BRAF: variants seen among roughly 807,000 people sequenced by gnomAD.
The protein encoded by BRAF is B-Raf proto-oncogene, serine/threonine kinase.
A neutral mutation model predicts 104.6 loss-of-function variants in BRAF; 16 were observed. The ratio of observed to expected loss-of-function variants is 0.15; its 90% CI spans 0.10 to 0.23. The LOEUF is 0.23. BRAF is among the 10% of genes least tolerant of loss of function. The probability of loss-of-function intolerance (pLI) is 1.00; values close to 1 mark genes in which losing one functional copy is unlikely to be tolerated. For missense variants in BRAF, 541 were observed against 937.3 expected, an observed-to-expected ratio of 0.58 and a Z score of 5.52; for synonymous variants, 310 against 341.6, an observed-to-expected ratio of 0.91 and a Z score of 1.02.
intron 1 of BRAF, among the ~76,000 whole-genome samples, chr7:140,859,455 ACTT>A (rs1459071771): frequency 6.6e-6 from 1 of 152,110 alleles, no homozygotes; most frequent in African/African-American, 2.4e-5. Flanking sequence ...GTGCCTTAAT[ACTT>A]CTTTATTTTT....
Position 140,924,444 on chromosome 7 carries a change from G to A in BRAF, c.138+122C>T. ...GGGCGATGCCCACCTCCCAGCCCGC[G>A]GAGCTGGCCCGAGAAGGTGGCTGAG... is the stretch of plus-strand genomic sequence containing the variant. On this transcript the variant is annotated intron_variant, in intron 1 of 19. Transcript: ENST00000644969. This position sits in a 1 kb window ranked among gnomAD's most constrained non-coding sequence, Gnocchi z 4.2. 1 of 1,417,804 alleles carries A rather than the reference G, an allele frequency of 7.1e-7. No homozygotes were observed. The highest frequency in any genetic ancestry group is 1.2e-5 in the South Asian group (1 of 80,500). 87.8% of individuals were successfully genotyped at this position (1,417,804 alleles called of 1,614,324 possible).
chr7:140,785,267 CTT>C (rs1801243282), intron 10 of BRAF, among the ~76,000 whole-genome samples: 1 of 152,070 alleles, frequency 6.6e-6, no homozygotes, highest in South Asian at 2.1e-4. Context: ...TCCATTGACA[CTT>C]TAATTTTCTT....
At chr7:140,906,770 T>C (rs1431125330) in intron 1 of BRAF, among the ~76,000 whole-genome samples, 1 of 152,238 alleles carries the variant, frequency 6.6e-6, no homozygotes, top group African/African-American at 2.4e-5. Context: ...TAATTTTCTA[T>C]TGAAAAGTCA....
Position 140,726,204 on chromosome 7 carries a change from C to T in BRAF, c.*290G>A. 8.1e-7 allele frequency: 1 copy of T among 1,238,356 alleles called. No individual in the cohort carries two copies. The highest frequency in any genetic ancestry group is 3.4e-5 in the East Asian group (1 of 29,546). 76.7% of individuals were successfully genotyped at this position (1,238,356 alleles called of 1,614,324 possible). A position where few individuals can be genotyped will look rare whatever the true frequency, so the allele number is the denominator to read the frequency against. On this transcript the variant is annotated 3_prime_UTR_variant, in exon 20 of 20. Coordinates refer to ENST00000644969, the MANE Select transcript of BRAF (RefSeq NM_001374258.1). ...GCAGTTTCTTTCCATCATGCCTGAC[C>T]ATCAAAAGGTCAGAATTCAGGGTCT...
chr7:140,840,798 T>G (rs1185578446), intron 2 of BRAF, among the ~76,000 whole-genome samples: 2 of 149,170 alleles, frequency 1.3e-5, no homozygotes, highest in Admixed American at 1.3e-4. Context: ...CACTGCAACT[T>G]CCGCCTCCCA....
At chr7:140,889,735 T>C (rs1409234014) in intron 1 of BRAF, among the ~76,000 whole-genome samples, 1 of 152,194 alleles carries the variant, frequency 6.6e-6, no homozygotes, top group African/African-American at 2.4e-5. Flanking sequence ...ATAATCCAAA[T>C]TCAACCCATC....
intron 1 of BRAF, among the ~76,000 whole-genome samples, chr7:140,918,462 C>T (rs997542478): frequency 2.4e-4 from 36 of 152,152 alleles, no homozygotes; most frequent in African/African-American, 8.4e-4. Flanking sequence ...CACTCACCTC[C>T]TGCGGTGTAG....
At chr7:140,849,745 G>A (rs1229339311) in intron 2 of BRAF, among the ~76,000 whole-genome samples, 1 of 152,018 alleles carries the variant, frequency 6.6e-6, no homozygotes, top group Non-Finnish European at 1.5e-5. Context: ...CTGGGAGGCG[G>A]AGGTTGTAGT....
chr7:140,769,491 A>G lies in BRAF; in HGVS notation c.1814+7421T>C, dbSNP rs907813243. On this transcript the variant is annotated intron_variant, in intron 14 of 19. Transcript: ENST00000644969. ...ACTTTTACATATATACATACACACC[A>G]CTTTTTAAAGCCCAAATGTAAAAAA... 3.5e-4 allele frequency among the ~76,000 whole-genome samples: 53 copies of G among 152,042 alleles called. 1 individual carries two copies. Among genetic ancestry groups the G allele is most frequent in the African/African-American group, 1.1e-3 (46 of 41,384 alleles).
chr7:140,726,155 T>C lies in BRAF; in HGVS notation c.*339A>G, dbSNP rs766502705. 9.0e-4 allele frequency: 1,023 copies of C among 1,136,260 alleles called. No individual in the cohort carries two copies. The highest frequency in any genetic ancestry group is 1.1e-3 in the Non-Finnish European group (981 of 925,938). 70.4% of individuals were successfully genotyped at this position (1,136,260 alleles called of 1,614,324 possible). ...GCAAAGTTGACTGGCAGACTTTCCA[T>C]AGCAAATCTCCCAAGCTGTAGCAGC... On this transcript the variant is annotated 3_prime_UTR_variant, in exon 20 of 20. Coordinates refer to ENST00000644969, the MANE Select transcript of BRAF (RefSeq NM_001374258.1).
Position 140,722,038 on chromosome 7 carries a change from T to C in BRAF, c.*4456A>G. On this transcript the variant is annotated 3_prime_UTR_variant, in exon 20 of 20. Transcript: ENST00000644969. ...GTTAATACATGATTGCTGCCCATCA[T>C]ACAGTACTTCAACCCTAAACTACAG... The C allele has an allele frequency of 8.9e-7, 1 of 1,122,106 alleles. No individual in the cohort carries two copies. Among genetic ancestry groups the C allele is most frequent in the Non-Finnish European group, 1.1e-6 (1 of 917,860 alleles). 69.5% of individuals were successfully genotyped at this position (1,122,106 alleles called of 1,614,324 possible). A position where few individuals can be genotyped will look rare whatever the true frequency, so the allele number is the denominator to read the frequency against.
intron 14 of BRAF, among the ~76,000 whole-genome samples, chr7:140,761,685 T>G (rs183853938): frequency 0.057 from 8,621 of 151,922 alleles, 291 homozygotes; most frequent in South Asian, 0.11. Context: ...AATAAAAGGA[T>G]GGAGGAAGAT....
chr7:140,714,393 GGTCT>G (rs1795094155), downstream of BRAF, among the ~76,000 whole-genome samples: 7 of 152,080 alleles, frequency 4.6e-5, no homozygotes, highest in Admixed American at 4.6e-4. Context: ...GTAGAGATAG[GGTCT>G]GTCTTAGTCA....
intron 1 of BRAF, among the ~76,000 whole-genome samples, chr7:140,896,007 C>T (rs1239872310): frequency 6.6e-6 from 1 of 152,190 alleles, no homozygotes; most frequent in Non-Finnish European, 1.5e-5. Flanking sequence ...TACATTCCCA[C>T]CAAGAGCGTC....
intron 8 of BRAF, 124 bp from the exon 9 acceptor site, chr7:140,787,708 A>G (rs990261215): frequency 1.2e-6 from 1 of 801,292 alleles, no homozygotes; most frequent in Admixed American, 2.5e-5. Flanking sequence ...ACATCTTATA[A>G]CTATTACACA....
At chr7:140,847,006 T>C (rs1808628037) in intron 2 of BRAF, among the ~76,000 whole-genome samples, 1 of 151,534 alleles carries the variant, frequency 6.6e-6, no homozygotes, top group Non-Finnish European at 1.5e-5. Context: ...AATACAAAAA[T>C]TAGTCGGGAG....
intron 1 of BRAF, among the ~76,000 whole-genome samples, chr7:140,858,527 A>G (rs1218500756): frequency 6.6e-6 from 1 of 152,208 alleles, no homozygotes; most frequent in African/African-American, 2.4e-5. Context: ...ATGGGAGAAC[A>G]AAACAGTAGG....
Position 140,720,086 on chromosome 7 carries a change from T to C in BRAF, c.*6408A>G. On this transcript the variant is annotated 3_prime_UTR_variant, in exon 20 of 20. Coordinates refer to ENST00000644969, the MANE Select transcript of BRAF (RefSeq NM_001374258.1). ...GTCTAAACCAAAGAGCAATGACAAC[T>C]ACTGAATAAAATTCAGAGACACATG... 1 of 1,060,330 alleles carries C rather than the reference T, an allele frequency of 9.4e-7. No homozygotes were observed. The highest frequency in any genetic ancestry group is 1.6e-5 in the African/African-American group (1 of 60,922). The allele number at this position is 1,060,330 out of a possible 1,614,324, so 65.7% of individuals were successfully genotyped here. A position where few individuals can be genotyped will look rare whatever the true frequency, so the allele number is the denominator to read the frequency against.
chr7:140,903,653 A>G (rs78393209), intron 1 of BRAF, among the ~76,000 whole-genome samples: 104 of 152,354 alleles, frequency 6.8e-4, no homozygotes, highest in Admixed American at 3.1e-3. Flanking sequence ...AGATATCGTT[A>G]TTACTCTGAT....
Sources: gnomAD v4.1 joint callset for allele counts (sites outside exome capture counted in the v4.1 genomes callset) on GRCh38, gnomAD v4.1.1 for gene constraint, Gnocchi (gnomAD v3.1) non-coding constraint, MANE v1.5 for transcripts, NCBI Gene and HGNC (gene_info 2026-07-23, HGNC 2026-07-21) for gene names.